Variants in DYNC2H1 observed in about 807,000 individuals in gnomAD.
DYNC2H1 encodes the protein dynein cytoplasmic 2 heavy chain 1.
DYNC2H1 carries 410 observed loss-of-function variants against 570.0 expected under a neutral mutation model. The ratio of observed to expected loss-of-function variants is 0.72; its 90% CI spans 0.66 to 0.78. DYNC2H1 has a LOEUF of 0.78. DYNC2H1 is among the 30% of genes least tolerant of loss of function. DYNC2H1 has a pLI of 0.00. For synonymous variants in DYNC2H1, 1,688 were observed against 1,677.6 expected (o/e 1.01, Z -0.15); for missense variants, 4,865 against 5,046.4 (o/e 0.96, Z 1.09).
At chr11:103,314,836 G>C (rs1937725408) in intron 79 of DYNC2H1, among the ~76,000 whole-genome samples, 1 of 151,644 alleles carries the variant, frequency 6.6e-6, no homozygotes, top group African/African-American at 2.4e-5. Context: ...TGATAGCAAC[G>C]GTTTTCTAAT....
At position 103,187,568 on chromosome 11, in the gene DYNC2H1, G is replaced by A. The variant is rs116574613; in HGVS notation, c.7122G>A (p.Leu2374=). ...TTGATAAATGGGGGACCAGTACTTT[G>A]GTAGCATTCCTACAACAGGTAAGTC... ...PKLDKWGTST[L]VAFLQQVLTY... The change falls in exon 43 of 89, where the codon TTG becomes TTA. Residue 2374 remains leucine, a synonymous_variant. Coordinates refer to ENST00000375735, the MANE Select transcript of DYNC2H1 (RefSeq NM_001377.3). The A allele has an allele frequency of 2.6e-3, 4,215 of 1,612,800 alleles. 114 individuals carry two copies. The African/African-American group carries it at 0.049, about 19-fold the overall frequency.
chr11:103,115,061 C>G lies in DYNC2H1; in HGVS notation c.503-116C>G, dbSNP rs1858308888. 6.9e-6 allele frequency: 4 copies of G among 578,832 alleles called. No individual in the cohort carries two copies. The South Asian group carries it at 1.1e-4, about 16-fold the overall frequency. The allele number at this position is 578,832 out of a possible 1,614,324, so 35.9% of individuals were successfully genotyped here. A position where few individuals can be genotyped will look rare whatever the true frequency, so the allele number is the denominator to read the frequency against. On this transcript the variant is annotated intron_variant, in intron 3 of 88. Transcript: ENST00000375735. ...AATAAGGAAGTGTCACCTATTTGAC[C>G]TCAGCTAGGAGCATATGTGTTAGAT...
chr11:103,315,151 T>G (rs1165789404), intron 79 of DYNC2H1, among the ~76,000 whole-genome samples: 1 of 152,046 alleles, frequency 6.6e-6, no homozygotes, highest in Non-Finnish European at 1.5e-5. Flanking sequence ...ACAGCTCAGA[T>G]CAATTTTCTA....
rs1183190144 is a variant in DYNC2H1, at chr11:103,281,708, T to C, written c.10762-471T>C. ...TTCTGCAACACTTGATTAATCTTAATTCTATGGCAAAAAAAAAAAAAAGAT... is the reference window on the plus strand; with the variant it reads ...TTCTGCAACACTTGATTAATCTTAACTCTATGGCAAAAAAAAAAAAAAGAT... On this transcript the variant is annotated intron_variant, in intron 71 of 88. Coordinates refer to ENST00000375735, the MANE Select transcript of DYNC2H1 (RefSeq NM_001377.3). 3.6e-5 allele frequency among the ~76,000 whole-genome samples: 5 copies of C among 138,778 alleles called. No individual in the cohort carries two copies. The South Asian group carries it at 1.2e-3, about 32-fold the overall frequency. The allele number at this position is 138,778 out of a possible 152,430, so 91.0% of individuals were successfully genotyped here.
chr11:103,115,644 A>C (rs1457347647), intron 4 of DYNC2H1, among the ~76,000 whole-genome samples: 1 of 152,122 alleles, frequency 6.6e-6, no homozygotes, highest in Non-Finnish European at 1.5e-5. Context: ...CTAAAAGTAC[A>C]AAAATTAGCT....
chr11:103,389,718 A>T (rs1418389661), intron 83 of DYNC2H1, among the ~76,000 whole-genome samples: 33 of 151,734 alleles, frequency 2.2e-4, no homozygotes, highest in Admixed American at 2.2e-3. Context: ...GTTAGTTTCA[A>T]AGAACATCTT....
At chr11:103,155,587 A>T (rs1451418357) in intron 25 of DYNC2H1, 86 bp downstream of exon 25, 38 of 1,350,578 alleles carry the variant, frequency 2.8e-5, no homozygotes, top group Middle Eastern at 5.1e-4. Flanking sequence ...ATACAAAAAA[A>T]GTCTTCCTTT....
intron 83 of DYNC2H1, among the ~76,000 whole-genome samples, chr11:103,398,564 CT>C (rs1422975403): frequency 6.6e-6 from 1 of 151,974 alleles, no homozygotes; most frequent in Admixed American, 6.6e-5. Context: ...AATGTGGCAA[CT>C]AGTAGAATGA....
At chr11:103,191,998 T>C in intron 46 of DYNC2H1, 99 bp from the exon 47 acceptor site, 1 of 936,668 alleles carries the variant, frequency 1.1e-6, no homozygotes, top group Non-Finnish European at 1.5e-6. Context: ...ATGCCAAAAT[T>C]ATGGTATGTA....
intron 85 of DYNC2H1, among the ~76,000 whole-genome samples, chr11:103,440,422 A>G (rs908874696): frequency 6.6e-6 from 1 of 152,052 alleles, no homozygotes; most frequent in Non-Finnish European, 1.5e-5. Context: ...CTTGAACTCC[A>G]CTCAGTTTTT....
chr11:103,414,452 C>G (rs916045811), intron 84 of DYNC2H1, among the ~76,000 whole-genome samples: 1 of 152,146 alleles, frequency 6.6e-6, no homozygotes, highest in Non-Finnish European at 1.5e-5. Context: ...AACCCTGTCT[C>G]TACTAAAAAT....
chr11:103,183,845 A>G (rs1245031889), intron 40 of DYNC2H1, among the ~76,000 whole-genome samples: 2 of 151,914 alleles, frequency 1.3e-5, no homozygotes, highest in Admixed American at 1.3e-4. Context: ...TTTTTTAAGC[A>G]CAGCGATGTT....
Position 103,113,652 on chromosome 11 carries a change from CTA to C in DYNC2H1, c.313_314del (p.Ile105Ter). 6.4e-7 allele frequency: 1 copy of C among 1,570,818 alleles called. No individual in the cohort carries two copies. Among genetic ancestry groups the C allele is most frequent in the Non-Finnish European group, 8.6e-7 (1 of 1,165,100 alleles). On this transcript the variant is annotated frameshift_variant, in exon 2 of 89. Transcript: ENST00000375735. LOFTEE classifies it high-confidence loss of function. ...CTTGTTTCATCTATGTTAGAGTCAC[CTA>C]TTAGTTCTCTTTACCAAGCAGTACG...
intron 68 of DYNC2H1, among the ~76,000 whole-genome samples, chr11:103,257,215 A>G (rs951435830): frequency 5.9e-5 from 9 of 152,160 alleles, no homozygotes; most frequent in African/African-American, 2.2e-4. Context: ...CACAGCAAGA[A>G]GCAGTTCTTT....
intron 83 of DYNC2H1, among the ~76,000 whole-genome samples, chr11:103,387,864 C>T (rs994608754): frequency 4.6e-5 from 7 of 152,082 alleles, no homozygotes; most frequent in African/African-American, 1.7e-4. Context: ...TGGTCTATAT[C>T]TCTGTTTTGG....
At chr11:103,447,245 G>A (rs2135783800) in intron 85 of DYNC2H1, among the ~76,000 whole-genome samples, 1 of 152,238 alleles carries the variant, frequency 6.6e-6, no homozygotes, top group South Asian at 2.1e-4. Context: ...TCTATGGATG[G>A]AAACTCCAGT....
At chr11:103,458,425 T>C (rs977774832) in intron 87 of DYNC2H1, among the ~76,000 whole-genome samples, 1 of 152,264 alleles carries the variant, frequency 6.6e-6, no homozygotes, top group Non-Finnish European at 1.5e-5. Flanking sequence ...TGTATTCCCA[T>C]CATTAAGTGA....
At chr11:103,464,172 A>T (rs1181456560) in intron 87 of DYNC2H1, among the ~76,000 whole-genome samples, 4 of 152,248 alleles carry the variant, frequency 2.6e-5, no homozygotes, top group South Asian at 2.1e-4. Context: ...CCTTGAACAG[A>T]TACATGAAGG....
At chr11:103,386,276 T>A (rs533212440) in intron 83 of DYNC2H1, among the ~76,000 whole-genome samples, 2 of 152,326 alleles carry the variant, frequency 1.3e-5, no homozygotes, top group African/African-American at 4.8e-5. Flanking sequence ...GTTTGTAGAC[T>A]TCCTTTTTTT....
Sources: allele counts gnomAD v4.1 joint callset (sites outside exome capture counted in the v4.1 genomes callset), GRCh38; gene constraint gnomAD v4.1.1; transcripts MANE v1.5; gene names NCBI Gene and HGNC (gene_info 2026-07-23, HGNC 2026-07-21).